GOLGA2: variants seen among roughly 807,000 people sequenced by gnomAD.
GOLGA2 encodes golgin A2.
Under a neutral mutation model 148.8 loss-of-function variants are expected in GOLGA2, and 49 were observed. The ratio of observed to expected loss-of-function variants is 0.33; its 90% CI spans 0.26 to 0.42. GOLGA2 has a LOEUF of 0.42. Ranked by LOEUF, GOLGA2 falls within the 10% of genes least tolerant of loss-of-function variation. The probability of loss-of-function intolerance (pLI) is 1.00; values close to 1 mark genes in which losing one functional copy is unlikely to be tolerated. For synonymous variants in GOLGA2, 501 were observed against 511.8 expected (o/e 0.98, Z 0.28); for missense variants, 1,178 against 1,304.6 (o/e 0.90, Z 1.49).
At position 128,275,944 on chromosome 9, in the gene GOLGA2, G is replaced by A. The variant is rs771373353; in HGVS notation, c.33C>T (p.Pro11=). 2 of 1,594,768 alleles carry A rather than the reference G, an allele frequency of 1.3e-6. No homozygotes were observed. The highest frequency in any genetic ancestry group is 1.4e-5 in the African/African-American group (1 of 73,736). ...TCTGTCGGGTTTCTTCCGACATCGC[G>A]GGGCGGGGAGGGAGGCGGGGTTGGG... MWPQPRLPPR[P]AMSEETRQSK... Residue 11 remains proline (P), a synonymous_variant, in exon 1 of 27, where the codon CCC becomes CCT. Transcript: ENST00000611957.
chr9:128,273,632 T>C, intron 2 of GOLGA2: 1 of 566,890 alleles, frequency 1.8e-6, no homozygotes, highest in Non-Finnish European at 3.1e-6. Context: ...TCATTTAAAC[T>C]TCACAAGTGT....
At position 128,260,240 on chromosome 9, in the gene GOLGA2, G is replaced by A; in HGVS notation, c.1759-51C>T. On this transcript the variant is annotated intron_variant, in intron 18 of 26. Transcript: ENST00000611957. This position sits in a 1 kb window ranked among gnomAD's most constrained non-coding sequence, Gnocchi z 4.8. The stretch of plus-strand genomic sequence containing the variant: ...CCACCCACTGCAGCTGGAGACCCCA[G>A]AACTTGCTGCCTTGGTGTCTGCCTC... 7.0e-7 allele frequency: 1 copy of A among 1,422,306 alleles called. No homozygotes were observed. The allele number at this position is 1,422,306 out of a possible 1,614,324, so 88.1% of individuals were successfully genotyped here. A position where few individuals can be genotyped will look rare whatever the true frequency, so the allele number is the denominator to read the frequency against.
chr9:128,260,637 T>C lies in GOLGA2; in HGVS notation c.1586A>G (p.Glu529Gly), dbSNP rs372667839. Residue 529 changes from glutamate (E) to glycine (G), a missense_variant, in exon 18 of 27, where the codon GAG (glutamate) becomes GGG (glycine). Transcript: ENST00000611957. The surrounding 1 kb of genome is among the most constrained non-coding windows in gnomAD (Gnocchi z 4.8). Reference protein sequence around the residue: ...GLSRLNREQEERLLELERAAE... With the variant: ...GLSRLNREQEGRLLELERAAE... The stretch of plus-strand genomic sequence containing the variant: ...CGCCCGCTCCAGCTCCAGCAGCCTC[T>C]CCTCCTGCTCCCGGTTCAGGCGACT... The C allele has an allele frequency of 2.5e-6, 4 of 1,611,942 alleles. No individual in the cohort carries two copies. The highest frequency in any genetic ancestry group is 3.4e-6 in the Non-Finnish European group (4 of 1,179,990).
intron 3 of GOLGA2, among the ~76,000 whole-genome samples, chr9:128,270,267 G>C (rs964214110): frequency 6.6e-6 from 1 of 151,772 alleles, no homozygotes; most frequent in African/African-American, 2.4e-5. Context: ...AAGCAGCTGG[G>C]ATTATAGGTG....
chr9:128,270,241 C>T (rs1289429376), intron 3 of GOLGA2, among the ~76,000 whole-genome samples: 1 of 150,050 alleles, frequency 6.7e-6, no homozygotes, highest in Non-Finnish European at 1.5e-5. Flanking sequence ...TCGAGATTCT[C>T]CTGCTTCAGC....
intron 8 of GOLGA2, 50 bp downstream of exon 8, chr9:128,267,144 G>A: frequency 1.6e-6 from 2 of 1,216,656 alleles, no homozygotes; most frequent in African/African-American, 1.5e-5. Flanking sequence ...AGGGGAAACT[G>A]GAGCCCAGGA....
intron 6 of GOLGA2, among the ~76,000 whole-genome samples, 156 bp from the exon 7 acceptor site, chr9:128,267,673 T>C (rs1448618346): frequency 6.6e-6 from 1 of 152,214 alleles, no homozygotes; most frequent in Non-Finnish European, 1.5e-5. Flanking sequence ...ATGGTTCTTA[T>C]TTCCCCACCA....
chr9:128,274,658 G>A (rs1043341569), intron 1 of GOLGA2, among the ~76,000 whole-genome samples: 1 of 152,194 alleles, frequency 6.6e-6, no homozygotes, highest in East Asian at 1.9e-4. Context: ...GTATCCACAT[G>A]GCAGAAGGCA....
rs1588481742 is a variant in GOLGA2 at position 128,261,822 on chromosome 9, A to C, written c.1135-65T>G. The C allele has an allele frequency of 2.0e-6, 2 of 1,006,584 alleles. No homozygotes were observed. The highest frequency in any genetic ancestry group is 4.7e-5 in the East Asian group (2 of 42,116). 62.4% of individuals were successfully genotyped at this position (1,006,584 alleles called of 1,614,324 possible). ...CAGGCCGTTCCAAATAGTGCCCCTT[A>C]AAAGGGCTAGGGCTAGGCTCAATGT... is the stretch of plus-strand genomic sequence containing the variant. On this transcript the variant is annotated intron_variant, in intron 14 of 26. Coordinates refer to ENST00000611957, the MANE Select transcript of GOLGA2 (RefSeq NM_001366244.2). The surrounding 1 kb of genome is among the most constrained non-coding windows in gnomAD (Gnocchi z 5.7).
In GOLGA2 at chr9:128,259,035, C is replaced by G. The variant is rs1186287647; in HGVS notation, c.2145G>C (p.Gln715His). Reference protein sequence around the residue: ...ATQQNQQLRAQLSLMAHPGEG... With the variant: ...ATQQNQQLRAHLSLMAHPGEG... ...CCCCAGGGTGAGCCATGAGGCTCAA[C>G]TGGGCCCGTAGCTGCTGATTCTGCT... is the stretch of plus-strand genomic sequence containing the variant. The change falls in exon 21 of 27, where the codon CAG becomes CAC. Residue 715 changes from glutamine to histidine, a missense_variant. This residue lies in a region of GOLGA2 where 529 missense variants were observed against 521.8 expected (regional missense o/e 1.01). Coordinates refer to ENST00000611957, the MANE Select transcript of GOLGA2 (RefSeq NM_001366244.2). 10 of 1,609,920 alleles carry G rather than the reference C, an allele frequency of 6.2e-6. No homozygotes were observed. The Admixed American group carries it at 1.7e-4, about 27-fold the overall frequency.
chr9:128,258,350 G>A lies in GOLGA2; in HGVS notation c.2289+105C>T. 9 of 1,207,424 alleles carry A rather than the reference G, an allele frequency of 7.5e-6. No homozygotes were observed. The highest frequency in any genetic ancestry group is 1.1e-5 in the Non-Finnish European group (9 of 824,844). 74.8% of individuals were successfully genotyped at this position (1,207,424 alleles called of 1,614,324 possible). A position where few individuals can be genotyped will look rare whatever the true frequency, so the allele number is the denominator to read the frequency against. Reference sequence around the variant, plus strand: ...CACCACTGGCTCCCAGGAAAGGGGTGAGGGTCCGAAGAAATCAGAAGGCCG... The same window carrying A: ...CACCACTGGCTCCCAGGAAAGGGGTAAGGGTCCGAAGAAATCAGAAGGCCG... On this transcript the variant is annotated intron_variant, in intron 22 of 26. Coordinates refer to ENST00000611957, the MANE Select transcript of GOLGA2 (RefSeq NM_001366244.2). This position sits in a 1 kb window ranked among gnomAD's most constrained non-coding sequence, Gnocchi z 6.6.
chr9:128,263,894 C>T (rs62587122), intron 12 of GOLGA2, among the ~76,000 whole-genome samples: 8,671 of 149,934 alleles, frequency 0.058, 354 homozygotes, highest in East Asian at 0.17. Flanking sequence ...CGGTGGCTCA[C>T]GCCTGTAATC....
Position 128,275,948 on chromosome 9 carries a change from CGGGGA to C in GOLGA2, c.24_28del (p.Pro11AspfsTer25). 1 of 1,567,688 alleles carries C rather than the reference CGGGGA, an allele frequency of 6.4e-7. No homozygotes were observed. Among genetic ancestry groups the C allele is most frequent in the Non-Finnish European group, 8.7e-7 (1 of 1,149,786 alleles). On this transcript the variant is annotated frameshift_variant, in exon 1 of 27. Transcript: ENST00000611957. LOFTEE classifies it high-confidence loss of function. ...TCGGGTTTCTTCCGACATCGCGGGG[CGGGGA>C]GGGAGGCGGGGTTGGGGCCACATCA...
chr9:128,266,444 A>G lies in GOLGA2; in HGVS notation c.643-119T>C, dbSNP rs1023484581. 2.4e-5 allele frequency: 20 copies of G among 819,694 alleles called. No homozygotes were observed. The highest frequency in any genetic ancestry group is 2.6e-4 in the Middle Eastern group (1 of 3,892). The allele number at this position is 819,694 out of a possible 1,614,324, so 50.8% of individuals were successfully genotyped here. ...TTTAAAGGCAAAGTTCTCAGACCCA[A>G]TGGGAACACGAACTGGTAAACTCTC... On this transcript the variant is annotated intron_variant, in intron 8 of 26. Transcript: ENST00000611957. The surrounding 1 kb of genome is among the most constrained non-coding windows in gnomAD (Gnocchi z 4.2).
intron 1 of GOLGA2, among the ~76,000 whole-genome samples, chr9:128,274,278 T>A (rs148352045): frequency 1.3e-5 from 2 of 152,124 alleles, no homozygotes; most frequent in Non-Finnish European, 2.9e-5. Flanking sequence ...AGAAACGGGA[T>A]GAGAACACTT....
Position 128,256,999 on chromosome 9 carries a change from G to C in GOLGA2, c.*68C>G, listed in dbSNP as rs1416732164. 8.5e-7 allele frequency: 1 copy of C among 1,171,380 alleles called. No individual in the cohort carries two copies. The highest frequency in any genetic ancestry group is 1.3e-6 in the Non-Finnish European group (1 of 796,490). The allele number at this position is 1,171,380 out of a possible 1,614,324, so 72.6% of individuals were successfully genotyped here. ...GGTAAAGGGTTGACTGAGAAGGGAT[G>C]GTAGGGATATGGTGGGGGCAGGGTA... is the stretch of plus-strand genomic sequence containing the variant. On this transcript the variant is annotated 3_prime_UTR_variant, in exon 27 of 27. Coordinates refer to ENST00000611957, the MANE Select transcript of GOLGA2 (RefSeq NM_001366244.2).
chr9:128,257,385 A>C lies in GOLGA2; in HGVS notation c.2859T>G (p.Ala953=), dbSNP rs1029716313. ...TCTACTCACCACCCTGCTGGTTGGCAGCCCCAAGTTCCTGGGGGGCTGGGG... is the reference window on the plus strand; with the variant it reads ...TCTACTCACCACCCTGCTGGTTGGCCGCCCCAAGTTCCTGGGGGGCTGGGG... ...SGAPAPQELG[A]ANQQGDLCEV... Residue 953 remains alanine (A), a synonymous_variant, in exon 26 of 27, where the codon GCT becomes GCG. Transcript: ENST00000611957. The surrounding 1 kb of genome is among the most constrained non-coding windows in gnomAD (Gnocchi z 8.0). The C allele has an allele frequency of 1.9e-6, 3 of 1,612,812 alleles. No homozygotes were observed. The highest frequency in any genetic ancestry group is 2.7e-5 in the African/African-American group (2 of 74,834).
chr9:128,258,295 C>A lies in GOLGA2; in HGVS notation c.2290-97G>T. ...CCTTCCCTTGGGGCCTCAGAGGGTG[C>A]ACTTGTTGGTCCCAAGTGAAATGGT... On this transcript the variant is annotated intron_variant, in intron 22 of 26. Transcript: ENST00000611957. This position sits in a 1 kb window ranked among gnomAD's most constrained non-coding sequence, Gnocchi z 6.6. 8.7e-7 allele frequency: 1 copy of A among 1,150,356 alleles called. No homozygotes were observed. The highest frequency in any genetic ancestry group is 1.4e-5 in the South Asian group (1 of 71,152). 71.3% of individuals were successfully genotyped at this position (1,150,356 alleles called of 1,614,324 possible).
Position 128,271,140 on chromosome 9 carries a change from A to G in GOLGA2, c.288+1645T>C, listed in dbSNP as rs914334753. Among the ~76,000 whole-genome samples, 1 of 152,190 alleles carries G rather than the reference A, an allele frequency of 6.6e-6. No homozygotes were observed. The highest frequency in any genetic ancestry group is 1.5e-5 in the Non-Finnish European group (1 of 68,024). On this transcript the variant is annotated intron_variant, in intron 3 of 26. Transcript: ENST00000611957. The surrounding 1 kb of genome is among the most constrained non-coding windows in gnomAD (Gnocchi z 4.4). Reference sequence around the variant, plus strand: ...GGCTGGCACAGAATCTCAGAGCATTAGGAAACAGGCTGAAGACCCCCTAAT... The same window carrying G: ...GGCTGGCACAGAATCTCAGAGCATTGGGAAACAGGCTGAAGACCCCCTAAT...
Sources: gnomAD v4.1 joint callset for allele counts (sites outside exome capture counted in the v4.1 genomes callset) on GRCh38, gnomAD v4.1.1 for gene constraint, gnomAD v4.1.1 regional missense constraint, Gnocchi (gnomAD v3.1) non-coding constraint, MANE v1.5 for transcripts, NCBI Gene and HGNC (gene_info 2026-07-23, HGNC 2026-07-21) for gene names.